The following HOXC5 variants were observed in gnomAD, a reference collection of about 807,000 sequenced individuals.
The protein encoded by HOXC5 is homeobox protein Hox-C5.
In HOXC5, 19 loss-of-function variants were observed where a neutral mutation model predicts 20.1. The observed-to-expected ratio is 0.94, with a 90% CI of 0.66 to 1.38. The LOEUF is 1.38. Ranked by LOEUF, HOXC5 falls within the 40% of genes most tolerant of loss-of-function variation. The pLI, the probability that HOXC5 is intolerant of heterozygous loss-of-function variation, is 0.00. For synonymous variants in HOXC5, 124 were observed against 117.0 expected (o/e 1.06, Z -0.39); for missense variants, 330 against 300.1 (o/e 1.10, Z -0.74).
In HOXC5 at chr12:54,033,431, G is replaced by C; in HGVS notation, c.309G>C (p.Ala103=). The C allele has an allele frequency of 1.2e-6, 2 of 1,602,864 alleles. No individual in the cohort carries two copies. Among genetic ancestry groups the C allele is most frequent in the Non-Finnish European group, 8.5e-7 (1 of 1,175,562 alleles). ...PLNPGMYSQK[A]ARPALEERAK... ...ACCCCGGGATGTACAGTCAGAAGGC[G>C]GCTCGCCCGGCGCTGGAGGAGCGAG... The change falls in exon 1 of 2, where the codon GCG becomes GCC. Residue 103 remains alanine (A), a synonymous_variant. Transcript: ENST00000312492.
the HOXC5 span, chr12:54,019,920 G>T: frequency 6.6e-6 from 1 of 152,130 alleles, no homozygotes. Context: ...CAAGACAGAG[G>T]CAAGCAGAGA....
the HOXC5 span, among the ~76,000 whole-genome samples, chr12:54,026,194 G>A: frequency 1.3e-5 from 2 of 152,118 alleles, no homozygotes; most frequent in African/African-American, 4.8e-5. Context: ...GGGCAGAAAG[G>A]AGGCTGGGAA....
Position 54,034,420 on chromosome 12 carries a change from C to G in HOXC5, c.597C>G (p.Ile199Met), listed in dbSNP as rs773709122. The G allele has an allele frequency of 3.1e-6, 5 of 1,614,198 alleles. No homozygotes were observed. In the Admixed American group the frequency reaches 8.3e-5, roughly 27 times the overall value. ...ANNLCLNERQ[I>M]KIWFQNRRMK... ...ACTTGTGTCTCAATGAGAGACAGAT[C>G]AAGATCTGGTTCCAGAACCGCAGGA... The change falls in exon 2 of 2, where the codon ATC (isoleucine) becomes ATG (methionine). Residue 199 changes from isoleucine to methionine, a missense_variant. Physicochemically the swap from Ile to Met is conservative, Grantham distance 10 (BLOSUM62 1). Coordinates refer to ENST00000312492, the MANE Select transcript of HOXC5 (RefSeq NM_018953.4).
chr12:54,033,155 G>A lies in HOXC5; in HGVS notation c.33G>A (p.Lys11=). The change falls in exon 1 of 2, where the codon AAG becomes AAA. Residue 11 remains lysine (K), a synonymous_variant. Transcript: ENST00000312492. The part of the protein sequence containing the change: MSSYVANSFY[K]QSPNIPAYNM... ...CCTACGTAGCCAATTCATTCTATAA[G>A]CAGAGCCCCAATATCCCTGCCTATA... 6.2e-7 allele frequency: 1 copy of A among 1,613,674 alleles called. No homozygotes were observed. The highest frequency in any genetic ancestry group is 8.5e-7 in the Non-Finnish European group (1 of 1,179,632).
upstream of HOXC5, chr12:54,029,722 G>A (rs958915325): frequency 1.2e-6 from 2 of 1,614,216 alleles, no homozygotes; most frequent in South Asian, 1.1e-5. Flanking sequence ...CCCTGGAACT[G>A]GAGAAGGAAT....
In HOXC5 at chr12:54,034,590, G is replaced by A. The variant is rs1341493661; in HGVS notation, c.*98G>A. On this transcript the variant is annotated 3_prime_UTR_variant, in exon 2 of 2. Transcript: ENST00000312492. ...CTCTCTATATTTCGGGTCGGGGGCAGGTGCTGGAGCACTGGGCTCCCGGGC... is the reference window on the plus strand; with the variant it reads ...CTCTCTATATTTCGGGTCGGGGGCAAGTGCTGGAGCACTGGGCTCCCGGGC... 2 of 1,012,608 alleles carry A rather than the reference G, an allele frequency of 2.0e-6. No individual in the cohort carries two copies. Among genetic ancestry groups the A allele is most frequent in the African/African-American group, 3.2e-5 (2 of 62,102 alleles). 62.7% of individuals were successfully genotyped at this position (1,012,608 alleles called of 1,614,324 possible).
rs753862316 is a variant in HOXC5, at chr12:54,034,517, C to T, written c.*25C>T. On this transcript the variant is annotated 3_prime_UTR_variant, in exon 2 of 2. Coordinates refer to ENST00000312492, the MANE Select transcript of HOXC5 (RefSeq NM_018953.4). The stretch of plus-strand genomic sequence containing the variant: ...GAGGCAGCGGGGGAGGCCCGCAGAG[C>T]GCGCCCCTAGCCGGTTCCTGTCCCT... 1 of 1,590,734 alleles carries T rather than the reference C, an allele frequency of 6.3e-7. No homozygotes were observed. Among genetic ancestry groups the T allele is most frequent in the South Asian group, 1.1e-5 (1 of 90,490 alleles).
At chr12:54,022,559 A>G in the HOXC5 span, 2 of 152,134 alleles carry the variant, frequency 1.3e-5, no homozygotes, top group Non-Finnish European at 1.5e-5. Flanking sequence ...GTTCTTTCAG[A>G]TCTGCAAACA....
At chr12:54,034,030 T>C (rs1166184665) in intron 1 of HOXC5, 2 of 683,228 alleles carry the variant, frequency 2.9e-6, no homozygotes, top group East Asian at 2.9e-5. Context: ...GGTCTCCCTC[T>C]TCCCCCCAAC....
chr12:54,029,048 C>T (rs899459501), upstream of HOXC5: 8 of 900,616 alleles, frequency 8.9e-6, no homozygotes. Context: ...GTCTCCTCAC[C>T]GAGACAGGGC....
Position 54,034,679 on chromosome 12 carries a change from G to T in HOXC5, c.*187G>T. ...CCTACCGACCCAGGGTTCCCGCGGG[G>T]CTGTCGGCGCTGCCCCATCTCCCCT... On this transcript the variant is annotated 3_prime_UTR_variant, in exon 2 of 2. Coordinates refer to ENST00000312492, the MANE Select transcript of HOXC5 (RefSeq NM_018953.4). The T allele has an allele frequency of 1.7e-6, 1 of 583,920 alleles. No individual in the cohort carries two copies. Among genetic ancestry groups the T allele is most frequent in the South Asian group, 2.0e-5 (1 of 49,448 alleles). The allele number at this position is 583,920 out of a possible 1,614,324, so 36.2% of individuals were successfully genotyped here. A position where few individuals can be genotyped will look rare whatever the true frequency, so the allele number is the denominator to read the frequency against.
At chr12:54,033,612 C>A in intron 1 of HOXC5, 36 bp downstream of exon 1, 1 of 1,485,964 alleles carries the variant, frequency 6.7e-7, no homozygotes, top group Non-Finnish European at 9.0e-7. Context: ...CTCTCGGGTC[C>A]GCCTGGGTTT....
At chr12:54,028,967 C>T, upstream of HOXC5, 1 of 1,532,274 alleles carries the variant, frequency 6.5e-7, no homozygotes, top group Non-Finnish European at 8.8e-7. Context: ...ACTGAACTGG[C>T]TTTATGACCG....
chr12:54,022,982 G>A, the HOXC5 span, among the ~76,000 whole-genome samples: 1 of 152,160 alleles, frequency 6.6e-6, no homozygotes. Context: ...TATTCTGGGG[G>A]CTGAAAATAT....
chr12:54,029,611 G>C (rs748395179), upstream of HOXC5: 5 of 1,583,352 alleles, frequency 3.2e-6, no homozygotes, highest in Admixed American at 5.2e-5. Context: ...TGCAGAGGAC[G>C]CTTTGCTGAT....
At chr12:54,019,689 GC>G in the HOXC5 span, among the ~76,000 whole-genome samples, 1 of 152,124 alleles carries the variant, frequency 6.6e-6, no homozygotes, top group Non-Finnish European at 1.5e-5. Context: ...CGAGGGGCGG[GC>G]CTGGGCGAGG....
chr12:54,022,991 A>T, the HOXC5 span, among the ~76,000 whole-genome samples: 1 of 152,226 alleles, frequency 6.6e-6, no homozygotes, highest in South Asian at 2.1e-4. Flanking sequence ...GGCTGAAAAT[A>T]TTCTGGATAT....
At position 54,035,236 on chromosome 12, in the gene HOXC5, C is replaced by T. The variant is rs1405966840; in HGVS notation, c.*744C>T. On this transcript the variant is annotated 3_prime_UTR_variant, in exon 2 of 2. Transcript: ENST00000312492. ...AGTGGTCCTAGAGGCCCTTTGCTGT[C>T]CCATAGTCCCTGCCACGAATTTCTG... 1 of 152,868 alleles carries T rather than the reference C, an allele frequency of 6.5e-6. No homozygotes were observed. Among genetic ancestry groups the T allele is most frequent in the East Asian group, 1.9e-4 (1 of 5,190 alleles). 9.5% of individuals were successfully genotyped at this position (152,868 alleles called of 1,614,324 possible).
chr12:54,019,179 C>A, the HOXC5 span, among the ~76,000 whole-genome samples: 292 of 133,296 alleles, frequency 2.2e-3, no homozygotes, highest in African/African-American at 7.6e-3. Flanking sequence ...CCTCCCCCAC[C>A]CCCCCACCCC....
Sources: allele counts gnomAD v4.1 joint callset (sites outside exome capture counted in the v4.1 genomes callset), GRCh38; gene constraint gnomAD v4.1.1; transcripts MANE v1.5; gene names NCBI Gene and HGNC (gene_info 2026-07-23, HGNC 2026-07-21).